CCSER1: variants seen among roughly 807,000 people sequenced by gnomAD.
The protein encoded by CCSER1 is serine-rich coiled-coil domain-containing protein 1.
A neutral mutation model predicts 82.0 loss-of-function variants in CCSER1; 41 were observed. That is an observed-to-expected ratio of 0.50 (90% CI 0.39 to 0.65). The LOEUF (loss-of-function observed/expected upper bound fraction) is 0.65, where lower values mean the gene tolerates loss of function less well. Among genes scored for constraint, CCSER1 ranks in the 30% least tolerant of loss-of-function variants. CCSER1 has a pLI of 0.00. For missense variants in CCSER1, 1,119 were observed against 1,064.2 expected (o/e 1.05, Z -0.72); for synonymous variants, 414 against 383.9 (o/e 1.08, Z -0.92).
intron 10 of CCSER1, among the ~76,000 whole-genome samples, chr4:91,277,325 T>C (rs1353898757): frequency 6.6e-6 from 1 of 151,928 alleles, no homozygotes; most frequent in African/African-American, 2.4e-5. Flanking sequence ...TGGCGGGGCT[T>C]GGCGGAGACT....
At chr4:91,037,233 C>G (rs1053545555) in intron 9 of CCSER1, among the ~76,000 whole-genome samples, 7 of 11,734 alleles carry the variant, frequency 6.0e-4, no homozygotes, top group African/African-American at 8.1e-4. Flanking sequence ...CTATCTCTGT[C>G]ACACACACAC....
intron 9 of CCSER1, among the ~76,000 whole-genome samples, chr4:91,035,968 C>T (rs925406315): frequency 3.9e-5 from 6 of 152,214 alleles, no homozygotes; most frequent in African/African-American, 1.4e-4. Flanking sequence ...GTAGTTCTGG[C>T]ACCTGTAAAC....
At chr4:91,116,154 C>T (rs1726572872) in intron 10 of CCSER1, among the ~76,000 whole-genome samples, 1 of 151,918 alleles carries the variant, frequency 6.6e-6, no homozygotes, top group Non-Finnish European at 1.5e-5. Flanking sequence ...TTCACAATAG[C>T]AAAGACTTGG....
At chr4:91,557,282 A>G (rs1483678409) in intron 10 of CCSER1, among the ~76,000 whole-genome samples, 1 of 151,480 alleles carries the variant, frequency 6.6e-6, no homozygotes, top group African/African-American at 2.4e-5. Context: ...TTGTTATTTT[A>G]TATAATAGCT....
At chr4:90,304,978 C>G (rs1004218209) in intron 1 of CCSER1, among the ~76,000 whole-genome samples, 1 of 151,400 alleles carries the variant, frequency 6.6e-6, no homozygotes, top group East Asian at 1.9e-4. Flanking sequence ...AGTGCAGTGG[C>G]CTGATCTGGC....
At position 90,224,656 on chromosome 4, in the gene CCSER1, G is replaced by A. The variant is rs558425428; in HGVS notation, c.-41-83588G>A. 1.5e-4 allele frequency among the ~76,000 whole-genome samples: 23 copies of A among 152,230 alleles called. 1 individual carries two copies. Among genetic ancestry groups the A allele is most frequent in the Admixed American group, 9.8e-4 (15 of 15,294 alleles). On this transcript the variant is annotated intron_variant, in intron 1 of 10. Transcript: ENST00000509176. ...CTTCACACTGATTTAAGATACATTC[G>A]ATGGAAGAAGAGATTTCTGGCTTTT...
At chr4:90,388,008 T>C (rs1309188738) in intron 3 of CCSER1, among the ~76,000 whole-genome samples, 2 of 152,156 alleles carry the variant, frequency 1.3e-5, no homozygotes, top group Non-Finnish European at 2.9e-5. Context: ...CTCTCAGACT[T>C]TGAGTTTGGC....
chr4:91,513,648 T>C (rs2110121628), intron 10 of CCSER1, among the ~76,000 whole-genome samples: 1 of 152,290 alleles, frequency 6.6e-6, no homozygotes, highest in Middle Eastern at 3.4e-3. Context: ...GAACATGATA[T>C]TGGTGTATTC....
At chr4:90,996,842 T>G (rs1020743242) in intron 9 of CCSER1, among the ~76,000 whole-genome samples, 1 of 152,200 alleles carries the variant, frequency 6.6e-6, no homozygotes, top group Non-Finnish European at 1.5e-5. Context: ...AATAGTGTGC[T>G]GCTTTCTATT....
chr4:90,749,449 T>C (rs895422881), intron 7 of CCSER1, among the ~76,000 whole-genome samples: 23 of 151,866 alleles, frequency 1.5e-4, no homozygotes, highest in Non-Finnish European at 2.4e-4. Context: ...AGCCTTGTAG[T>C]ATAGTCTGAA....
At chr4:90,877,715 G>GA (rs983129027) in intron 8 of CCSER1, among the ~76,000 whole-genome samples, 1,722 of 138,384 alleles carry the variant, frequency 0.012, 25 homozygotes, top group African/African-American at 0.038. Flanking sequence ...GAAAAAAAAA[G>GA]AAAAAAAAAA....
intron 1 of CCSER1, among the ~76,000 whole-genome samples, chr4:90,155,406 G>C (rs2153356958): frequency 6.6e-6 from 1 of 152,170 alleles, no homozygotes; most frequent in East Asian, 1.9e-4. Context: ...AATGAGTTAG[G>C]GAGGATTCCC....
At chr4:90,213,053 G>A (rs891767454) in intron 1 of CCSER1, among the ~76,000 whole-genome samples, 1 of 152,128 alleles carries the variant, frequency 6.6e-6, no homozygotes, top group African/African-American at 2.4e-5. Context: ...ACATAGTAAA[G>A]GTTATGCGTG....
At chr4:90,230,227 C>T (rs6532224) in intron 1 of CCSER1, among the ~76,000 whole-genome samples, 6 of 151,638 alleles carry the variant, frequency 4.0e-5, no homozygotes, top group Admixed American at 2.6e-4. Context: ...GGAAGTAAAG[C>T]TCTCCTCAGC....
intron 9 of CCSER1, among the ~76,000 whole-genome samples, chr4:90,993,245 C>T (rs1165154405): frequency 1.3e-5 from 2 of 151,896 alleles, no homozygotes; most frequent in Non-Finnish European, 2.9e-5. Flanking sequence ...TCAGATTGCT[C>T]CTCTCTCTTT....
chr4:90,492,261 C>G (rs1191339337), intron 5 of CCSER1, among the ~76,000 whole-genome samples: 2 of 151,966 alleles, frequency 1.3e-5, no homozygotes, highest in Admixed American at 6.6e-5. Flanking sequence ...TGTATGTGTC[C>G]AGGAATTTAT....
intron 5 of CCSER1, among the ~76,000 whole-genome samples, chr4:90,558,804 A>C (rs1386542331): frequency 1.3e-5 from 2 of 152,192 alleles, no homozygotes; most frequent in African/African-American, 4.8e-5. Context: ...GAAGGGGGAC[A>C]CCTGCCTTTT....
At chr4:90,747,345 A>G (rs1379865954) in intron 7 of CCSER1, among the ~76,000 whole-genome samples, 2 of 152,220 alleles carry the variant, frequency 1.3e-5, no homozygotes, top group East Asian at 1.9e-4. Flanking sequence ...ATTTTATTAT[A>G]GAATATTTGA....
chr4:91,159,347 A>C (rs1030897015), intron 10 of CCSER1, among the ~76,000 whole-genome samples: 1 of 151,902 alleles, frequency 6.6e-6, no homozygotes, highest in African/African-American at 2.4e-5. Context: ...TAATTATTTC[A>C]TTCTGTGTTC....
Sources: gnomAD v4.1 joint callset for allele counts (sites outside exome capture counted in the v4.1 genomes callset) on GRCh38, gnomAD v4.1.1 for gene constraint, MANE v1.5 for transcripts, NCBI Gene and HGNC (gene_info 2026-07-23, HGNC 2026-07-21) for gene names.